The following CELF4 variants were observed in gnomAD, a reference collection of about 807,000 sequenced individuals.
The protein encoded by CELF4 is CUGBP Elav-like family member 4, also known as CUG-BP- and ETR-3-like factor 4.
In CELF4, 18 loss-of-function variants were observed where a neutral mutation model predicts 59.9. That is an observed-to-expected ratio of 0.30 (90% CI 0.21 to 0.45). The LOEUF is 0.45. Among genes scored for constraint, CELF4 ranks in the 20% least tolerant of loss-of-function variants. The pLI is 1.00. For synonymous variants in CELF4, 261 were observed against 267.1 expected (o/e 0.98, Z 0.22); for missense variants, 456 against 689.0 (o/e 0.66, Z 3.79).
intron 9 of CELF4, among the ~76,000 whole-genome samples, chr18:37,265,528 C>T (rs776336203): frequency 3.6e-4 from 55 of 152,308 alleles, no homozygotes; most frequent in Non-Finnish European, 6.8e-4. Flanking sequence ...GTGGGGGCCA[C>T]CTGAGGTGTG....
chr18:37,336,341 G>A (rs971662695), intron 2 of CELF4, among the ~76,000 whole-genome samples: 1 of 152,130 alleles, frequency 6.6e-6, no homozygotes, highest in Admixed American at 6.5e-5. Flanking sequence ...GTACCTCCAC[G>A]CCCAGCTAAT....
At chr18:37,325,148 C>T (rs608489) in intron 2 of CELF4, among the ~76,000 whole-genome samples, 74,935 of 151,666 alleles carry the variant, frequency 0.49, 18,804 homozygotes, top group East Asian at 0.75. Context: ...TGGGCTTTGT[C>T]GCTCTGTCCC....
chr18:37,464,387 A>G (rs978645846), intron 2 of CELF4, among the ~76,000 whole-genome samples: 1 of 151,434 alleles, frequency 6.6e-6, no homozygotes, highest in Non-Finnish European at 1.5e-5. Context: ...GCTCTTAAAG[A>G]CTCCCATCGA....
intron 2 of CELF4, among the ~76,000 whole-genome samples, chr18:37,420,204 G>A (rs968748965): frequency 1.3e-4 from 20 of 152,330 alleles, no homozygotes; most frequent in Admixed American, 9.1e-4. Context: ...GCAGCAGCTG[G>A]GAGAGGCAGT....
chr18:37,274,927 C>T, intron 4 of CELF4, 43 bp from the exon 5 acceptor site: 2 of 1,592,948 alleles, frequency 1.3e-6, no homozygotes, highest in Non-Finnish European at 8.5e-7. Context: ...AGAAGCAGGG[C>T]CAGGGAGGGG....
intron 2 of CELF4, among the ~76,000 whole-genome samples, chr18:37,406,379 C>T (rs751893784): frequency 6.6e-6 from 1 of 152,164 alleles, no homozygotes; most frequent in Non-Finnish European, 1.5e-5. Flanking sequence ...TCACTAAAAA[C>T]ATGCCTTCTA....
chr18:37,422,173 T>C (rs2099582209), intron 2 of CELF4, among the ~76,000 whole-genome samples: 1 of 152,104 alleles, frequency 6.6e-6, no homozygotes, highest in Non-Finnish European at 1.5e-5. Flanking sequence ...AGGGCCTGAG[T>C]GGGGCCTGTG....
At chr18:37,322,004 C>A in intron 2 of CELF4, 123 bp from the exon 3 acceptor site, 1 of 644,074 alleles carries the variant, frequency 1.6e-6, no homozygotes, top group Non-Finnish European at 2.6e-6. Context: ...CGCGCTCCCA[C>A]AACATGCTGC....
At chr18:37,481,693 G>C (rs1569569606) in intron 2 of CELF4, among the ~76,000 whole-genome samples, 1 of 152,204 alleles carries the variant, frequency 6.6e-6, no homozygotes, top group Non-Finnish European at 1.5e-5. Flanking sequence ...TCTCGGACCA[G>C]TGCTCCCATC....
chr18:37,325,335 C>T (rs368561204), intron 2 of CELF4, among the ~76,000 whole-genome samples: 36 of 152,306 alleles, frequency 2.4e-4, no homozygotes, highest in African/African-American at 7.9e-4. Flanking sequence ...CTTCTCTAGT[C>T]GGGCCTGAGA....
chr18:37,383,962 G>A (rs1490537221), intron 2 of CELF4, among the ~76,000 whole-genome samples: 2 of 152,156 alleles, frequency 1.3e-5, no homozygotes, highest in Non-Finnish European at 2.9e-5. Context: ...GGGGGGCGGT[G>A]CGTGGAGGCT....
chr18:37,511,452 C>A (rs8098552), intron 1 of CELF4, among the ~76,000 whole-genome samples: 30,954 of 151,970 alleles, frequency 0.2, 3,507 homozygotes, highest in African/African-American at 0.31. Flanking sequence ...CCAGCTCAGC[C>A]TGGGCCTCCC....
At chr18:37,322,008 A>G in intron 2 of CELF4, 127 bp from the exon 3 acceptor site, 1 of 625,052 alleles carries the variant, frequency 1.6e-6, no homozygotes, top group South Asian at 2.7e-5. Context: ...CTCCCACAAC[A>G]TGCTGCTGCA....
intron 2 of CELF4, among the ~76,000 whole-genome samples, chr18:37,366,854 C>T (rs558030485): frequency 6.6e-6 from 1 of 152,278 alleles, no homozygotes; most frequent in Admixed American, 6.5e-5. Flanking sequence ...CCCTCCACTC[C>T]CATCCCACCC....
Position 37,377,494 on chromosome 18 carries a change from G to T in CELF4, c.370-55613C>A, listed in dbSNP as rs577285104. Among the ~76,000 whole-genome samples, 18 of 152,356 alleles carry T rather than the reference G, an allele frequency of 1.2e-4. No individual in the cohort carries two copies. The South Asian group carries it at 3.7e-3, about 32-fold the overall frequency. The stretch of plus-strand genomic sequence containing the variant: ...CACGAGCTCCCTGGGTGACTGTAAT[G>T]CTCTGGCCCCAGATGCAGGGCAGGC... On this transcript the variant is annotated intron_variant, in intron 2 of 12. Coordinates refer to ENST00000420428, the MANE Select transcript of CELF4 (RefSeq NM_020180.4).
At chr18:37,320,872 G>A (rs2097091542) in intron 3 of CELF4, among the ~76,000 whole-genome samples, 1 of 152,192 alleles carries the variant, frequency 6.6e-6, no homozygotes. Context: ...CACAGGTGAG[G>A]TGTGATGGGC....
intron 3 of CELF4, among the ~76,000 whole-genome samples, chr18:37,319,284 A>T (rs1253569112): frequency 6.6e-6 from 1 of 152,244 alleles, no homozygotes; most frequent in Non-Finnish European, 1.5e-5. Context: ...AGGAGCAGGC[A>T]GCACAAACCA....
chr18:37,295,729 G>A (rs999351400), intron 3 of CELF4, among the ~76,000 whole-genome samples: 2 of 152,214 alleles, frequency 1.3e-5, no homozygotes, highest in African/African-American at 4.8e-5. Context: ...ATCCCCATTC[G>A]AAATCCTGGT....
chr18:37,349,285 G>T (rs1316755648), intron 2 of CELF4, among the ~76,000 whole-genome samples: 2 of 152,204 alleles, frequency 1.3e-5, no homozygotes, highest in African/African-American at 2.4e-5. Context: ...CTATCTGTGG[G>T]TATCTGTTTA....
Sources: gnomAD v4.1 joint callset for allele counts (sites outside exome capture counted in the v4.1 genomes callset) on GRCh38, gnomAD v4.1.1 for gene constraint, MANE v1.5 for transcripts, NCBI Gene and HGNC (gene_info 2026-07-23, HGNC 2026-07-21) for gene names.